PCDH15: variants seen among roughly 807,000 people sequenced by gnomAD.
The protein encoded by PCDH15 is protocadherin-15.
In PCDH15, 129 loss-of-function variants were observed where a neutral mutation model predicts 178.5. The observed-to-expected ratio is 0.72, with a 90% CI of 0.63 to 0.84. The LOEUF is 0.84. Among genes scored for constraint, PCDH15 ranks in the 40% least tolerant of loss-of-function variants. The pLI is 0.00. For missense variants in PCDH15, 2,230 were observed against 2,099.9 expected (o/e 1.06, Z -1.21); for synonymous variants, 800 against 732.0 (o/e 1.09, Z -1.50).
intron 2 of PCDH15, among the ~76,000 whole-genome samples, chr10:54,551,980 C>A (rs2086667689): frequency 6.6e-6 from 1 of 151,856 alleles, no homozygotes; most frequent in African/African-American, 2.4e-5. Flanking sequence ...TTTGAATGAA[C>A]AAGAAATGCT....
chr10:54,135,626 T>C (rs2042841609), intron 14 of PCDH15, among the ~76,000 whole-genome samples: 1 of 152,212 alleles, frequency 6.6e-6, no homozygotes, highest in Non-Finnish European at 1.5e-5. Flanking sequence ...TGGCTTCTTT[T>C]AGGGTCTGTT....
rs534704695 is a variant in PCDH15 at position 54,307,790 on chromosome 10, T to A, written c.876+9481A>T. On this transcript the variant is annotated intron_variant, in intron 8 of 37. Coordinates refer to ENST00000644397, the MANE Select transcript of PCDH15 (RefSeq NM_001384140.1). ...AGTAGTGCAATCAGAATAAATTAGG[T>A]CCTATCTACATACAACTCAGTTTTA... Among the ~76,000 whole-genome samples, 9 of 152,090 alleles carry A rather than the reference T, an allele frequency of 5.9e-5. No individual in the cohort carries two copies. In the South Asian group the frequency reaches 1.9e-3, roughly 32 times the overall value.
intron 1 of PCDH15, among the ~76,000 whole-genome samples, chr10:55,212,025 G>A (rs989032053): frequency 3.3e-5 from 5 of 151,958 alleles, no homozygotes; most frequent in Non-Finnish European, 5.9e-5. Flanking sequence ...GTGGAATGCC[G>A]GCAGCTGTGC....
intron 1 of PCDH15, among the ~76,000 whole-genome samples, chr10:55,283,048 T>G (rs1409921544): frequency 6.6e-6 from 1 of 152,154 alleles, no homozygotes; most frequent in Non-Finnish European, 1.5e-5. Context: ...GGCTAACAAA[T>G]TAGCCATGAG....
chr10:54,791,488 T>C (rs966622767), intron 1 of PCDH15, among the ~76,000 whole-genome samples: 1 of 151,938 alleles, frequency 6.6e-6, no homozygotes, highest in African/African-American at 2.4e-5. Context: ...CACAGACCTT[T>C]TCTTTTCTTA....
intron 8 of PCDH15, among the ~76,000 whole-genome samples, chr10:54,264,887 T>C (rs1287558720): frequency 2.0e-5 from 3 of 152,194 alleles, no homozygotes; most frequent in Non-Finnish European, 2.9e-5. Flanking sequence ...GATGTTGACA[T>C]GCATACATCA....
intron 1 of PCDH15, among the ~76,000 whole-genome samples, chr10:55,188,561 G>T (rs1839860283): frequency 6.6e-6 from 1 of 151,866 alleles, no homozygotes; most frequent in African/African-American, 2.4e-5. Flanking sequence ...AACTATTTTT[G>T]TTAATTTGCT....
At chr10:54,625,573 T>C (rs1819764544) in intron 2 of PCDH15, among the ~76,000 whole-genome samples, 1 of 152,190 alleles carries the variant, frequency 6.6e-6, no homozygotes, top group South Asian at 2.1e-4. Context: ...AGCTCTCTCT[T>C]TGCCTGCTGC....
intron 25 of PCDH15, among the ~76,000 whole-genome samples, chr10:53,914,388 G>T (rs1449940515): frequency 2.6e-5 from 4 of 152,178 alleles, no homozygotes; most frequent in Admixed American, 2.6e-4. Flanking sequence ...TGATAGACTG[G>T]ATTAAGAAAA....
At chr10:54,153,390 A>C in intron 13 of PCDH15, 97 bp from the exon 14 acceptor site, 1 of 1,361,956 alleles carries the variant, frequency 7.3e-7, no homozygotes, top group Non-Finnish European at 1.0e-6. Context: ...TTTCAAAGAA[A>C]AAAACACAGG....
At chr10:55,545,556 G>A (rs982436971) in intron 2 of PCDH15, among the ~76,000 whole-genome samples, 1 of 145,414 alleles carries the variant, frequency 6.9e-6, no homozygotes, top group Non-Finnish European at 1.5e-5. Flanking sequence ...GATTACAGGC[G>A]CACGCTGCCA....
chr10:54,330,258 T>C lies in PCDH15; in HGVS notation c.595-552A>G, dbSNP rs1024392782. ...GGTGATTTTTGTCATTGTGTGACTA[T>C]TATAGAGTGTAGATTCACAAACCTA... is the stretch of plus-strand genomic sequence containing the variant. On this transcript the variant is annotated intron_variant, in intron 6 of 37. Transcript: ENST00000644397. Among the ~76,000 whole-genome samples, 3 of 151,950 alleles carry C rather than the reference T, an allele frequency of 2.0e-5. No individual in the cohort carries two copies. In the East Asian group the frequency reaches 5.8e-4, roughly 29 times the overall value.
intron 3 of PCDH15, among the ~76,000 whole-genome samples, chr10:54,411,339 T>C (rs1301660065): frequency 1.3e-5 from 2 of 152,122 alleles, no homozygotes; most frequent in African/African-American, 4.8e-5. Context: ...ATTGAAAGAA[T>C]TTAAAAAATG....
chr10:54,315,710 G>A (rs1230823238), intron 8 of PCDH15, among the ~76,000 whole-genome samples: 1 of 83,370 alleles, frequency 1.2e-5, no homozygotes, highest in Non-Finnish European at 3.1e-5. Flanking sequence ...TTTGGTTATG[G>A]TATAAGGAGG....
intron 1 of PCDH15, among the ~76,000 whole-genome samples, chr10:54,796,286 C>CTATCTATCTATG (rs1951996469): frequency 8.3e-6 from 1 of 120,390 alleles, no homozygotes; most frequent in African/African-American, 3.6e-5. Flanking sequence ...ATCTATGTAT[C>CTATCTATCTATG]TATCTATCTA....
At chr10:55,012,934 C>T (rs1202928070) in intron 2 of PCDH15, among the ~76,000 whole-genome samples, 1 of 152,094 alleles carries the variant, frequency 6.6e-6, no homozygotes, top group Non-Finnish European at 1.5e-5. Flanking sequence ...TATTAATCAT[C>T]TCTTTGCATG....
chr10:54,227,638 C>T (rs974173192), intron 9 of PCDH15, among the ~76,000 whole-genome samples: 1 of 152,156 alleles, frequency 6.6e-6, no homozygotes, highest in East Asian at 1.9e-4. Context: ...TTGAATTTCT[C>T]CTCAAAAAAT....
intron 2 of PCDH15, among the ~76,000 whole-genome samples, chr10:55,518,711 C>A (rs1249364494): frequency 6.6e-6 from 1 of 151,940 alleles, no homozygotes; most frequent in Non-Finnish European, 1.5e-5. Flanking sequence ...TGCAGACAGA[C>A]ACATAACTCT....
intron 1 of PCDH15, chr10:55,319,564 A>AGG (rs1239425957): frequency 6.6e-6 from 1 of 152,146 alleles, no homozygotes; most frequent in African/African-American, 2.4e-5. Flanking sequence ...TGGGGGATGG[A>AGG]GGGAGGACAC....
Sources: allele counts gnomAD v4.1 joint callset (sites outside exome capture counted in the v4.1 genomes callset), GRCh38; gene constraint gnomAD v4.1.1; transcripts MANE v1.5; gene names NCBI Gene and HGNC (gene_info 2026-07-23, HGNC 2026-07-21).